The following ASIC2 variants were observed in gnomAD, a reference collection of about 807,000 sequenced individuals.
ASIC2 encodes the protein acid-sensing ion channel 2.
A neutral mutation model predicts 57.3 loss-of-function variants in ASIC2; 25 were observed. The observed-to-expected ratio is 0.44, with a 90% CI of 0.32 to 0.61. The LOEUF (loss-of-function observed/expected upper bound fraction) is 0.61. Among genes scored for constraint, ASIC2 ranks in the 20% least tolerant of loss-of-function variants. The pLI, the probability that ASIC2 is intolerant of heterozygous loss-of-function variation, is 0.06. For missense variants in ASIC2, 641 were observed against 738.1 expected, an observed-to-expected ratio of 0.87 and a Z score of 1.52; for synonymous variants, 319 against 307.5, an observed-to-expected ratio of 1.04 and a Z score of -0.39.
chr17:33,998,996 T>A (rs1490625845), intron 1 of ASIC2, among the ~76,000 whole-genome samples: 1 of 152,140 alleles, frequency 6.6e-6, no homozygotes, highest in Non-Finnish European at 1.5e-5. Context: ...TTGTCTGTTT[T>A]ACCCTTTAGT....
intron 1 of ASIC2, among the ~76,000 whole-genome samples, chr17:33,419,958 T>C (rs1359305321): frequency 6.6e-6 from 1 of 152,216 alleles, no homozygotes; most frequent in Admixed American, 6.5e-5. Flanking sequence ...GTTTAGACTT[T>C]TTCTGGAAGG....
intron 1 of ASIC2, among the ~76,000 whole-genome samples, chr17:33,611,313 C>T (rs898769513): frequency 6.6e-6 from 1 of 152,198 alleles, no homozygotes; most frequent in Non-Finnish European, 1.5e-5. Context: ...GATCTATGTT[C>T]TGCAAGCTCA....
At chr17:33,075,250 GC>G (rs2092084827) in intron 3 of ASIC2, among the ~76,000 whole-genome samples, 1 of 152,170 alleles carries the variant, frequency 6.6e-6, no homozygotes, top group Non-Finnish European at 1.5e-5. Flanking sequence ...TCTCTTGTCT[GC>G]CGCCACGTAA....
rs112156654 is a variant in ASIC2, at chr17:33,201,683, C to T, written c.709-89616G>A. Among the ~76,000 whole-genome samples, 501 of 152,268 alleles carry T rather than the reference C, an allele frequency of 3.3e-3. 2 individuals carry two copies. Among genetic ancestry groups the T allele is most frequent in the South Asian group, 0.012 (57 of 4,810 alleles). On this transcript the variant is annotated intron_variant, in intron 1 of 9. Coordinates refer to ENST00000225823, the MANE Select transcript of ASIC2 (RefSeq NM_183377.2). Reference sequence around the variant, plus strand: ...ACACTGCCTATAGAGTAGCCCTGCTCGGTAAGGAGCAGTATATCTGCTGCT... The same window carrying T: ...ACACTGCCTATAGAGTAGCCCTGCTTGGTAAGGAGCAGTATATCTGCTGCT...
intron 1 of ASIC2, among the ~76,000 whole-genome samples, chr17:33,706,578 T>G (rs1243970440): frequency 2.0e-5 from 3 of 152,128 alleles, no homozygotes; most frequent in Admixed American, 2.0e-4. Context: ...ACCATAGCAG[T>G]TCTGTGTGGT....
intron 1 of ASIC2, among the ~76,000 whole-genome samples, chr17:34,028,981 C>G (rs1907481119): frequency 6.6e-6 from 1 of 152,164 alleles, no homozygotes; most frequent in African/African-American, 2.4e-5. Context: ...CTGGAATACT[C>G]TTCTTTAGAT....
intron 1 of ASIC2, among the ~76,000 whole-genome samples, chr17:33,402,522 G>T (rs1567849477): frequency 6.6e-6 from 1 of 152,122 alleles, no homozygotes; most frequent in Non-Finnish European, 1.5e-5. Flanking sequence ...TTCACTTAAA[G>T]TGAGAATATG....
chr17:33,488,169 A>G (rs983341670), intron 1 of ASIC2, among the ~76,000 whole-genome samples: 9 of 152,150 alleles, frequency 5.9e-5, no homozygotes, highest in Admixed American at 2.6e-4. Flanking sequence ...CAGTTTACCA[A>G]GTGAGAGGCA....
intron 1 of ASIC2, among the ~76,000 whole-genome samples, chr17:33,610,054 G>GCGCGCACACACACACACACACACACACA (rs375575593): frequency 1.4e-5 from 2 of 144,736 alleles, no homozygotes; most frequent in African/African-American, 5.2e-5. Context: ...GGACAGAGGC[G>GCGCGCACACACACACACACACACACACA]CACACACACA....
At chr17:34,105,733 T>C (rs570337609) in intron 1 of ASIC2, among the ~76,000 whole-genome samples, 1 of 152,192 alleles carries the variant, frequency 6.6e-6, no homozygotes, top group African/African-American at 2.4e-5. Flanking sequence ...TTTCTTGACA[T>C]TTCAAGTTCT....
At chr17:33,657,540 A>C (rs1013671227) in intron 1 of ASIC2, among the ~76,000 whole-genome samples, 1 of 152,098 alleles carries the variant, frequency 6.6e-6, no homozygotes, top group East Asian at 1.9e-4. Flanking sequence ...TCAGTTCTGT[A>C]TCGTGATGGG....
chr17:33,368,775 G>A (rs1235373713), intron 1 of ASIC2, among the ~76,000 whole-genome samples: 7 of 152,066 alleles, frequency 4.6e-5, no homozygotes, highest in African/African-American at 1.2e-4. Context: ...AATGATGGAG[G>A]TTCTGCTGCT....
intron 2 of ASIC2, among the ~76,000 whole-genome samples, chr17:33,093,264 C>T (rs903187041): frequency 6.6e-6 from 1 of 152,124 alleles, no homozygotes; most frequent in Non-Finnish European, 1.5e-5. Context: ...CCTGTGTGAC[C>T]GCCCTGATAG....
chr17:33,531,883 T>C (rs1915062361), intron 1 of ASIC2, among the ~76,000 whole-genome samples: 1 of 152,074 alleles, frequency 6.6e-6, no homozygotes, highest in Admixed American at 6.5e-5. Context: ...CCCTTTGTTC[T>C]CCCCTTAGCC....
chr17:33,405,028 C>T (rs1330906324), intron 1 of ASIC2, among the ~76,000 whole-genome samples: 1 of 151,546 alleles, frequency 6.6e-6, no homozygotes, highest in Non-Finnish European at 1.5e-5. Context: ...GTCTTGAACG[C>T]CAGGACACTC....
intron 1 of ASIC2, among the ~76,000 whole-genome samples, chr17:33,362,621 C>A (rs1242924532): frequency 6.6e-6 from 1 of 152,216 alleles, no homozygotes. Flanking sequence ...ACATCTTTCT[C>A]ACAGGATTCT....
chr17:33,019,839 TGAGA>T (rs150027308), intron 7 of ASIC2, among the ~76,000 whole-genome samples: 10 of 149,008 alleles, frequency 6.7e-5, no homozygotes, highest in African/African-American at 2.2e-4. Flanking sequence ...GGGATCTGTG[TGAGA>T]GAGAGAGAGA....
At chr17:33,841,070 A>T (rs543434968) in intron 1 of ASIC2, among the ~76,000 whole-genome samples, 1 of 152,244 alleles carries the variant, frequency 6.6e-6, no homozygotes, top group Non-Finnish European at 1.5e-5. Flanking sequence ...AAAAGACTCA[A>T]CTGTGAGACA....
intron 1 of ASIC2, among the ~76,000 whole-genome samples, chr17:34,125,924 C>A (rs1010740274): frequency 1.4e-4 from 21 of 151,368 alleles, no homozygotes; most frequent in African/African-American, 4.7e-4. Flanking sequence ...ACACAGGAGG[C>A]CATGCCCCCC....
Sources: allele counts gnomAD v4.1 joint callset (sites outside exome capture counted in the v4.1 genomes callset), GRCh38; gene constraint gnomAD v4.1.1; transcripts MANE v1.5; gene names NCBI Gene and HGNC (gene_info 2026-07-23, HGNC 2026-07-21).